The following OR51E2 variants were observed in gnomAD, a reference collection of about 807,000 sequenced individuals.
OR51E2 encodes the protein olfactory receptor family 51 subfamily E member 2, also known as olfactory receptor 51E2.
Under a neutral mutation model 13.7 loss-of-function variants are expected in OR51E2, and 14 were observed. That is an observed-to-expected ratio of 1.02 (90% confidence interval 0.68 to 1.60). OR51E2 has a LOEUF of 1.60. OR51E2 is among the 40% of genes most tolerant of loss of function. The probability of loss-of-function intolerance (pLI) is 0.00; values close to 1 mark genes in which losing one functional copy is unlikely to be tolerated. For missense variants in OR51E2, 483 were observed against 413.8 expected (o/e 1.17, Z -1.45); for synonymous variants, 180 against 157.6 (o/e 1.14, Z -1.07).
At chr11:4,686,849 G>A (rs1361493382) in intron 1 of OR51E2, among the ~76,000 whole-genome samples, 3 of 151,724 alleles carry the variant, frequency 2.0e-5, no homozygotes, top group Non-Finnish European at 4.4e-5. Flanking sequence ...ACCCAGTCTC[G>A]GTGTCTACAT....
At chr11:4,693,599 T>G (rs1052265025) in intron 1 of OR51E2, among the ~76,000 whole-genome samples, 2 of 152,042 alleles carry the variant, frequency 1.3e-5, no homozygotes, top group African/African-American at 4.8e-5. Context: ...CGGGCGCCTG[T>G]AGTTCCAGCT....
At chr11:4,695,178 A>T (rs569158584) in intron 1 of OR51E2, among the ~76,000 whole-genome samples, 15 of 152,294 alleles carry the variant, frequency 9.8e-5, no homozygotes, top group South Asian at 8.3e-4. Context: ...CAAGAGCCAG[A>T]CATTTCTAAC....
chr11:4,682,200 T>A lies in OR51E2; in HGVS notation c.512A>T (p.Asn171Ile). 6.2e-7 allele frequency: 1 copy of A among 1,614,038 alleles called. No individual in the cohort carries two copies. Among genetic ancestry groups the A allele is most frequent in the Non-Finnish European group, 8.5e-7 (1 of 1,179,974 alleles). Residue 171 changes from asparagine to isoleucine, a missense_variant, in exon 2 of 2, where the codon AAT (asparagine) becomes ATT (isoleucine). Physicochemically the swap from Asn to Ile is moderately radical, Grantham distance 149 (BLOSUM62 -3). Transcript: ENST00000396950. ...GACACAATAGGAGTGCGAGAGGACA[T>A]TGGAGTGGCAGAAGGCCAGCCGCTT... is the stretch of plus-strand genomic sequence containing the variant. ...LIKRLAFCHS[N>I]VLSHSYCVHQ...
In OR51E2 at chr11:4,682,122, T is replaced by C. The variant is rs939868911; in HGVS notation, c.590A>G (p.Tyr197Cys). 3.1e-6 allele frequency: 5 copies of C among 1,614,206 alleles called. No individual in the cohort carries two copies. The South Asian group carries it at 4.4e-5, about 14-fold the overall frequency. ...GACCAGCAGAATGGCAGTAAGACCA[T>C]ATACCACATTGGGCAAAGTGTCTGC... ...AYADTLPNVV[Y>C]GLTAILLVMG... Residue 197 changes from tyrosine to cysteine, a missense_variant, in exon 2 of 2, where the codon TAT becomes TGT. Transcript: ENST00000396950.
intron 1 of OR51E2, chr11:4,691,067 G>C (rs538059091): frequency 2.2e-6 from 1 of 456,744 alleles, no homozygotes; most frequent in East Asian, 6.9e-5. Flanking sequence ...TGAGAAGTAA[G>C]TCTACACCAA....
At chr11:4,685,934 A>G (rs1030720873) in intron 1 of OR51E2, 7 of 152,172 alleles carry the variant, frequency 4.6e-5, no homozygotes, top group Non-Finnish European at 1.0e-4. Context: ...CATCCTTTCT[A>G]AGTATGCCTC....
In OR51E2 at chr11:4,681,647, G is replaced by A; in HGVS notation, c.*102C>T. The stretch of plus-strand genomic sequence containing the variant: ...ACTTTAGTTTACTATTCCAGCCAGA[G>A]AAAAGTACTGATGTGCTTATGGGCA... On this transcript the variant is annotated 3_prime_UTR_variant, in exon 2 of 2. Transcript: ENST00000396950. 1 of 1,358,226 alleles carries A rather than the reference G, an allele frequency of 7.4e-7. No homozygotes were observed. 84.1% of individuals were successfully genotyped at this position (1,358,226 alleles called of 1,614,324 possible). A position where few individuals can be genotyped will look rare whatever the true frequency, so the allele number is the denominator to read the frequency against.
intron 1 of OR51E2, among the ~76,000 whole-genome samples, chr11:4,694,709 T>C (rs1847635204): frequency 1.3e-5 from 2 of 152,014 alleles, no homozygotes; most frequent in South Asian, 4.2e-4. Flanking sequence ...CTATCAGCAG[T>C]AACAGAAACA....
At chr11:4,687,843 A>G (rs1480866478) in intron 1 of OR51E2, among the ~76,000 whole-genome samples, 5 of 152,202 alleles carry the variant, frequency 3.3e-5, no homozygotes, top group African/African-American at 1.2e-4. Flanking sequence ...AAGTCCCTGA[A>G]GGAGAGCCCC....
At chr11:4,685,550 C>A (rs1203450578) in intron 1 of OR51E2, among the ~76,000 whole-genome samples, 4 of 152,170 alleles carry the variant, frequency 2.6e-5, no homozygotes, top group African/African-American at 7.2e-5. Context: ...CTTTCCCTAA[C>A]CTTTCTTCTG....
chr11:4,694,617 C>T (rs1453884824), intron 1 of OR51E2, among the ~76,000 whole-genome samples: 1 of 150,818 alleles, frequency 6.6e-6, no homozygotes, highest in East Asian at 1.9e-4. Flanking sequence ...GGGAGCTGAG[C>T]TTGCTGTGTC....
At chr11:4,687,960 T>G (rs570277253) in intron 1 of OR51E2, among the ~76,000 whole-genome samples, 33 of 152,258 alleles carry the variant, frequency 2.2e-4, no homozygotes, top group African/African-American at 4.8e-4. Context: ...GCAGGTTGTT[T>G]GTTGTCTCTG....
At chr11:4,695,168 C>G (rs886297970) in intron 1 of OR51E2, among the ~76,000 whole-genome samples, 4 of 152,172 alleles carry the variant, frequency 2.6e-5, no homozygotes, top group African/African-American at 9.7e-5. Flanking sequence ...TGCAGAGCAT[C>G]AAGAGCCAGA....
At position 4,681,363 on chromosome 11, in the gene OR51E2, A is replaced by T; in HGVS notation, c.*386T>A. 1 of 195,030 alleles carries T rather than the reference A, an allele frequency of 5.1e-6. No homozygotes were observed. The highest frequency in any genetic ancestry group is 1.1e-5 in the Non-Finnish European group (1 of 94,522). 12.1% of individuals were successfully genotyped at this position (195,030 alleles called of 1,614,324 possible). ...GAGACCCCATCTCAAAAAAAAAAAA[A>T]GTTGTATGTGACAGCTAACCATAAT... On this transcript the variant is annotated 3_prime_UTR_variant, in exon 2 of 2. Transcript: ENST00000396950.
At chr11:4,695,507 C>G (rs888875496) in intron 1 of OR51E2, among the ~76,000 whole-genome samples, 9 of 152,114 alleles carry the variant, frequency 5.9e-5, no homozygotes, top group Non-Finnish European at 1.3e-4. Flanking sequence ...TCTCAATTTC[C>G]TGCTGTATCT....
At chr11:4,689,546 A>C (rs563580147) in intron 1 of OR51E2, among the ~76,000 whole-genome samples, 41 of 152,298 alleles carry the variant, frequency 2.7e-4, no homozygotes, top group African/African-American at 8.2e-4. Flanking sequence ...GATACCAACT[A>C]TACAGCCCAT....
chr11:4,697,244 G>A lies in OR51E2; in HGVS notation c.-51+409C>T, dbSNP rs557473671. On this transcript the variant is annotated intron_variant, in intron 1 of 1. Transcript: ENST00000396950. ...ACAATTGTTTTACTGAAATCTACAA[G>A]TAATATAAACTTTCTGTGACCCAGT... 1.8e-4 allele frequency among the ~76,000 whole-genome samples: 28 copies of A among 152,282 alleles called. 2 individuals are homozygous for A. The highest frequency in any genetic ancestry group is 5.3e-4 in the African/African-American group (22 of 41,562).
chr11:4,696,309 C>T (rs769023717), intron 1 of OR51E2, among the ~76,000 whole-genome samples: 2 of 152,088 alleles, frequency 1.3e-5, no homozygotes, highest in African/African-American at 4.8e-5. Context: ...TATCAGCAAA[C>T]GACATCGAAC....
rs12573920 is a variant in OR51E2 at position 4,681,222 on chromosome 11, C to T, written c.*527G>A. The T allele has an allele frequency of 0.056, 8,767 of 157,304 alleles. 420 individuals carry two copies. The highest frequency in any genetic ancestry group is 0.19 in the East Asian group (1,004 of 5,312). The allele number at this position is 157,304 out of a possible 1,614,324, so 9.7% of individuals were successfully genotyped here. ...AGAAAATTAGCCAGTCATGGTGGCA[C>T]GTTCCTCTAGTCCCAGCTACTCGGG... On this transcript the variant is annotated 3_prime_UTR_variant, in exon 2 of 2. Coordinates refer to ENST00000396950, the MANE Select transcript of OR51E2 (RefSeq NM_030774.4).
Sources: gnomAD v4.1 joint callset for allele counts (sites outside exome capture counted in the v4.1 genomes callset) on GRCh38, gnomAD v4.1.1 for gene constraint, MANE v1.5 for transcripts, NCBI Gene and HGNC (gene_info 2026-07-23, HGNC 2026-07-21) for gene names.